The following SLCO1B3 variants were observed in gnomAD, a reference collection of about 807,000 sequenced individuals.
SLCO1B3 encodes the protein liver-specific organic anion transporter 2.
In SLCO1B3, 72 loss-of-function variants were observed where a neutral mutation model predicts 71.8. The ratio of observed to expected loss-of-function variants is 1.00; its 90% CI spans 0.83 to 1.22. The LOEUF (loss-of-function observed/expected upper bound fraction) is 1.22. SLCO1B3 is among the 50% of genes most tolerant of loss of function. The pLI, the probability that SLCO1B3 is intolerant of heterozygous loss-of-function variation, is 0.00. For missense variants in SLCO1B3, 911 were observed against 819.7 expected (o/e 1.11, Z -1.36); for synonymous variants, 298 against 278.4 (o/e 1.07, Z -0.70).
chr12:20,897,947 G>A (rs1048251140), intron 13 of SLCO1B3, among the ~76,000 whole-genome samples: 2 of 152,060 alleles, frequency 1.3e-5, no homozygotes, highest in Admixed American at 6.5e-5. Flanking sequence ...ATACAGAAAA[G>A]TTTTTTGACC....
chr12:20,909,274 T>C (rs980285380), intron 15 of SLCO1B3, among the ~76,000 whole-genome samples: 1 of 150,734 alleles, frequency 6.6e-6, no homozygotes, highest in Non-Finnish European at 1.5e-5. Context: ...CACGCCATTC[T>C]TCCACCTCAG....
At position 20,875,230 on chromosome 12, in the gene SLCO1B3, C is replaced by T; in HGVS notation, c.728-5C>T. The T allele has an allele frequency of 6.2e-7, 1 of 1,612,096 alleles. No homozygotes were observed. Among genetic ancestry groups the T allele is most frequent in the African/African-American group, 1.3e-5 (1 of 74,848 alleles). ...TGACTGGCTTCTTTTAACTGTTTCT[C>T]CTAGGCACTATCAGAATAACTCCTA... On this transcript the variant is annotated splice_polypyrimidine_tract_variant and splice_region_variant and intron_variant, in intron 8 of 15. Transcript: ENST00000381545.
chr12:20,876,237 A>C (rs10841687), intron 9 of SLCO1B3, among the ~76,000 whole-genome samples: 1 of 151,784 alleles, frequency 6.6e-6, no homozygotes, highest in Admixed American at 6.6e-5. Context: ...ATATAAGCCA[A>C]ATGGGCTAAT....
intron 13 of SLCO1B3, among the ~76,000 whole-genome samples, chr12:20,888,422 T>G (rs2121330895): frequency 6.6e-6 from 1 of 152,100 alleles, no homozygotes; most frequent in Admixed American, 6.6e-5. Flanking sequence ...TACCTCTTAG[T>G]TTAAATGTAT....
At chr12:20,911,939 A>G (rs1866386028) in intron 15 of SLCO1B3, among the ~76,000 whole-genome samples, 1 of 151,966 alleles carries the variant, frequency 6.6e-6, no homozygotes, top group Non-Finnish European at 1.5e-5. Flanking sequence ...ACTGTGCCCT[A>G]CTTTTACTAT....
intron 14 of SLCO1B3, among the ~76,000 whole-genome samples, chr12:20,899,023 T>G (rs1311278112): frequency 6.6e-6 from 1 of 152,180 alleles, no homozygotes; most frequent in Non-Finnish European, 1.5e-5. Context: ...CAAAAGGGAA[T>G]GAAAATTCAT....
chr12:20,858,793 T>C (rs1003205823), intron 5 of SLCO1B3: 10 of 291,374 alleles, frequency 3.4e-5, no homozygotes, highest in African/African-American at 2.0e-4. Context: ...TAAATAAGAA[T>C]AATATTATAT....
rs139201989 is a variant in SLCO1B3 at position 20,874,203 on chromosome 12, C to G, written c.728-1032C>G. 1.2e-3 allele frequency among the ~76,000 whole-genome samples: 181 copies of G among 152,066 alleles called. 1 individual carries two copies. Among genetic ancestry groups the G allele is most frequent in the South Asian group, 4.1e-3 (20 of 4,828 alleles). ...CCACATTTTTTGTTTTTTTCTTTTT[C>G]TCTCACACATTCGCTCTGTGTTAAG... is the stretch of plus-strand genomic sequence containing the variant. On this transcript the variant is annotated intron_variant, in intron 8 of 15. Transcript: ENST00000381545.
intron 3 of SLCO1B3, among the ~76,000 whole-genome samples, chr12:20,846,758 T>G (rs1864928480): frequency 6.6e-6 from 1 of 152,066 alleles, no homozygotes; most frequent in Non-Finnish European, 1.5e-5. Flanking sequence ...GAAGGTTCAG[T>G]GGGGCAGGGG....
intron 3 of SLCO1B3, among the ~76,000 whole-genome samples, chr12:20,819,431 G>A (rs1313130917): frequency 1.3e-5 from 2 of 152,192 alleles, no homozygotes; most frequent in Non-Finnish European, 2.9e-5. Context: ...GTCAGGGTCA[G>A]TCCAAGTGAA....
chr12:20,906,794 T>C (rs766738373), intron 15 of SLCO1B3, among the ~76,000 whole-genome samples: 1 of 152,126 alleles, frequency 6.6e-6, no homozygotes, highest in Non-Finnish European at 1.5e-5. Context: ...ATCTTGATAA[T>C]AAAAGAATTA....
chr12:20,883,926 C>G (rs148508697), intron 13 of SLCO1B3, among the ~76,000 whole-genome samples: 1 of 152,056 alleles, frequency 6.6e-6, no homozygotes, highest in Non-Finnish European at 1.5e-5. Context: ...TGCGTTGCAT[C>G]CTAATGAGCC....
At chr12:20,913,241 A>G (rs151301668) in intron 15 of SLCO1B3, among the ~76,000 whole-genome samples, 1 of 152,108 alleles carries the variant, frequency 6.6e-6, no homozygotes, top group Non-Finnish European at 1.5e-5. Context: ...AACATTGTCC[A>G]TAGGTTCTTA....
chr12:20,812,353 A>T (rs964884833), intron 1 of SLCO1B3, among the ~76,000 whole-genome samples: 1 of 151,800 alleles, frequency 6.6e-6, no homozygotes, highest in Non-Finnish European at 1.5e-5. Flanking sequence ...GAAAAAAGTA[A>T]TGATTATTCG....
At position 20,916,288 on chromosome 12, in the gene SLCO1B3, C is replaced by A; in HGVS notation, c.*41C>A. 6.3e-7 allele frequency: 1 copy of A among 1,583,982 alleles called. No homozygotes were observed. Among genetic ancestry groups the A allele is most frequent in the Non-Finnish European group, 8.6e-7 (1 of 1,161,844 alleles). Reference sequence around the variant, plus strand: ...TTAAGATGTTATTTTTGAGGTGTTCCTGGTCTTTCACTGACAATTCCAACA... The same window carrying A: ...TTAAGATGTTATTTTTGAGGTGTTCATGGTCTTTCACTGACAATTCCAACA... On this transcript the variant is annotated 3_prime_UTR_variant, in exon 16 of 16. Transcript: ENST00000381545.
At chr12:20,857,101 C>T (rs1865155687) in intron 4 of SLCO1B3, among the ~76,000 whole-genome samples, 1 of 152,108 alleles carries the variant, frequency 6.6e-6, no homozygotes, top group Non-Finnish European at 1.5e-5. Flanking sequence ...TTTCTCAAAA[C>T]ATTAAAAATA....
intron 1 of SLCO1B3, among the ~76,000 whole-genome samples, chr12:20,811,207 T>A (rs180907235): frequency 6.6e-6 from 1 of 152,178 alleles, no homozygotes; most frequent in Non-Finnish European, 1.5e-5. Context: ...GTGGAAAATA[T>A]GTTTCAAAGT....
intron 13 of SLCO1B3, among the ~76,000 whole-genome samples, chr12:20,890,111 G>A (rs955610324): frequency 2.6e-5 from 4 of 151,486 alleles, no homozygotes; most frequent in Admixed American, 6.6e-5. Flanking sequence ...TAGAGACGGG[G>A]TTTCACCATG....
At chr12:20,823,307 G>A (rs1334583477) in intron 3 of SLCO1B3, among the ~76,000 whole-genome samples, 1 of 151,870 alleles carries the variant, frequency 6.6e-6, no homozygotes, top group Non-Finnish European at 1.5e-5. Context: ...GACAATAGGG[G>A]GAAAAGGAAA....
Sources: gnomAD v4.1 joint callset for allele counts (sites outside exome capture counted in the v4.1 genomes callset) on GRCh38, gnomAD v4.1.1 for gene constraint, MANE v1.5 for transcripts, NCBI Gene and HGNC (gene_info 2026-07-23, HGNC 2026-07-21) for gene names.